ADAMTSL3: variants seen among roughly 807,000 people sequenced by gnomAD.
ADAMTSL3 encodes ADAMTS-like protein 3.
ADAMTSL3 carries 128 observed loss-of-function variants against 201.7 expected under a neutral mutation model. The observed-to-expected ratio is 0.63, with a 90% CI of 0.55 to 0.73. The LOEUF (loss-of-function observed/expected upper bound fraction) is 0.73, where lower values mean the gene tolerates loss of function less well. ADAMTSL3 is among the 30% of genes least tolerant of loss of function. ADAMTSL3 has a pLI of 0.00. For missense variants in ADAMTSL3, 1,990 were observed against 2,119.6 expected, an observed-to-expected ratio of 0.94 and a Z score of 1.20; for synonymous variants, 738 against 748.4, an observed-to-expected ratio of 0.99 and a Z score of 0.23.
intron 3 of ADAMTSL3, among the ~76,000 whole-genome samples, chr15:83,735,678 T>C (rs1017510280): frequency 6.6e-6 from 1 of 152,058 alleles, no homozygotes; most frequent in Non-Finnish European, 1.5e-5. Context: ...TTTTTTTTGT[T>C]TTGCTTTTTG....
At chr15:83,719,348 A>T (rs2062064257) in intron 3 of ADAMTSL3, among the ~76,000 whole-genome samples, 1 of 152,224 alleles carries the variant, frequency 6.6e-6, no homozygotes, top group African/African-American at 2.4e-5. Context: ...AGAACCAAAA[A>T]GATTAAGTGA....
At chr15:83,942,495 A>T (rs2066579249) in intron 17 of ADAMTSL3, 101 bp from the exon 18 acceptor site, 6 of 1,065,032 alleles carry the variant, frequency 5.6e-6, no homozygotes, top group South Asian at 1.5e-5. Flanking sequence ...CAGGGTGTGA[A>T]GTCTGGAAGC....
chr15:83,741,972 T>C (rs2062462578), intron 3 of ADAMTSL3, among the ~76,000 whole-genome samples: 1 of 152,144 alleles, frequency 6.6e-6, no homozygotes, highest in South Asian at 2.1e-4. Context: ...AAAATATGTA[T>C]ATATTCAATA....
chr15:84,037,811 T>A lies in ADAMTSL3; in HGVS notation c.*5T>A. 6.2e-7 allele frequency: 1 copy of A among 1,610,010 alleles called. No individual in the cohort carries two copies. Among genetic ancestry groups the A allele is most frequent in the Non-Finnish European group, 8.5e-7 (1 of 1,179,146 alleles). ...CAGTCATGTCAAGAGGGATAAACCT[T>A]TGGAGGGGTCATGATGCTGCTGTGA... On this transcript the variant is annotated 3_prime_UTR_variant, in exon 30 of 30. Coordinates refer to ENST00000286744, the MANE Select transcript of ADAMTSL3 (RefSeq NM_207517.3).
intron 28 of ADAMTSL3, among the ~76,000 whole-genome samples, chr15:84,031,726 A>G (rs1464871164): frequency 6.6e-6 from 1 of 152,220 alleles, no homozygotes; most frequent in Non-Finnish European, 1.5e-5. Flanking sequence ...TTCTCCCTCT[A>G]TATACTAAGT....
chr15:83,757,397 C>G (rs548889575), intron 3 of ADAMTSL3, among the ~76,000 whole-genome samples: 1 of 150,700 alleles, frequency 6.6e-6, no homozygotes, highest in Non-Finnish European at 1.5e-5. Context: ...GAAGCCATGG[C>G]CTGAGTTGTA....
At chr15:83,872,598 C>CCACACACACACACA (rs149299146) in intron 9 of ADAMTSL3, among the ~76,000 whole-genome samples, 54 of 46,514 alleles carry the variant, frequency 1.2e-3, no homozygotes, top group African/African-American at 3.9e-3. Flanking sequence ...AAAATATACA[C>CCACACACACACACA]CACACACACA....
intron 2 of ADAMTSL3, among the ~76,000 whole-genome samples, chr15:83,673,210 T>C (rs1215555107): frequency 2.0e-5 from 3 of 152,208 alleles, no homozygotes; most frequent in African/African-American, 7.2e-5. Context: ...TCTTTAGCAG[T>C]GCGCTTAGCA....
chr15:83,889,631 A>C lies in ADAMTSL3; in HGVS notation c.1073-478A>C, dbSNP rs983753332. Among the ~76,000 whole-genome samples the C allele has an allele frequency of 2.6e-5, 4 of 152,128 alleles. No homozygotes were observed. The South Asian group carries it at 8.3e-4, about 32-fold the overall frequency. On this transcript the variant is annotated intron_variant, in intron 10 of 29. Transcript: ENST00000286744. ...GGGAGTGTCAATAAGGGAAGAAGAGAGATTATACGGAAATGAGAGAAGGGC... is the reference window on the plus strand; with the variant it reads ...GGGAGTGTCAATAAGGGAAGAAGAGCGATTATACGGAAATGAGAGAAGGGC...
intron 3 of ADAMTSL3, among the ~76,000 whole-genome samples, chr15:83,751,898 T>C (rs2062642265): frequency 6.6e-6 from 1 of 152,034 alleles, no homozygotes; most frequent in South Asian, 2.1e-4. Flanking sequence ...CTAGAATAGA[T>C]TGCTGTTTGA....
intron 19 of ADAMTSL3, among the ~76,000 whole-genome samples, chr15:83,964,192 G>A (rs563775006): frequency 6.6e-6 from 1 of 152,182 alleles, no homozygotes; most frequent in East Asian, 1.9e-4. Context: ...ATTGACAGAA[G>A]TAGGCTTCAG....
intron 23 of ADAMTSL3, among the ~76,000 whole-genome samples, chr15:84,004,944 C>A (rs2141870384): frequency 6.6e-6 from 1 of 152,258 alleles, no homozygotes; most frequent in Admixed American, 6.5e-5. Context: ...AGCAGTGACT[C>A]CCCTAAATTG....
chr15:84,015,782 C>T (rs2068078693), intron 24 of ADAMTSL3, among the ~76,000 whole-genome samples: 1 of 152,180 alleles, frequency 6.6e-6, no homozygotes, highest in Non-Finnish European at 1.5e-5. Flanking sequence ...CCTGAGAAAC[C>T]CCAGCCTTGT....
intron 2 of ADAMTSL3, among the ~76,000 whole-genome samples, chr15:83,686,327 T>C (rs2061535901): frequency 6.6e-6 from 1 of 152,200 alleles, no homozygotes; most frequent in African/African-American, 2.4e-5. Flanking sequence ...AACAGATTTG[T>C]GGTAATGATG....
intron 19 of ADAMTSL3, among the ~76,000 whole-genome samples, chr15:83,952,811 A>G (rs1396564558): frequency 4.6e-5 from 7 of 151,844 alleles, no homozygotes; most frequent in Non-Finnish European, 1.0e-4. Flanking sequence ...ACCTCAAAAA[A>G]AAAAAAAAAA....
At chr15:83,871,593 A>T (rs766810179) in intron 9 of ADAMTSL3, among the ~76,000 whole-genome samples, 1 of 152,132 alleles carries the variant, frequency 6.6e-6, no homozygotes, top group African/African-American at 2.4e-5. Flanking sequence ...GCTTCCCCAG[A>T]TGTTCTATGA....
rs534527140 is a variant in ADAMTSL3 at position 83,716,738 on chromosome 15, C to G, written c.189+12230C>G. On this transcript the variant is annotated intron_variant, in intron 3 of 29. Transcript: ENST00000286744. ...TAGTCCAAAGGCTTGTTTGTAGAATCAGACTGTTCTTTGTTTTGGACCCTG... is the reference window on the plus strand; with the variant it reads ...TAGTCCAAAGGCTTGTTTGTAGAATGAGACTGTTCTTTGTTTTGGACCCTG... Among the ~76,000 whole-genome samples, 13 of 152,110 alleles carry G rather than the reference C, an allele frequency of 8.5e-5. No individual in the cohort carries two copies. In the East Asian group the frequency reaches 2.1e-3, roughly 25 times the overall value.
chr15:83,743,829 C>A (rs1247357629), intron 3 of ADAMTSL3, among the ~76,000 whole-genome samples: 1 of 151,896 alleles, frequency 6.6e-6, no homozygotes, highest in East Asian at 1.9e-4. Context: ...ATGGAGTCAA[C>A]AAGAAAAGAT....
chr15:83,753,890 G>A (rs929125645), intron 3 of ADAMTSL3, among the ~76,000 whole-genome samples: 1 of 152,210 alleles, frequency 6.6e-6, no homozygotes, highest in Non-Finnish European at 1.5e-5. Flanking sequence ...CGAAAGTGAA[G>A]CAGTTTGCGT....
Sources: allele counts gnomAD v4.1 joint callset (sites outside exome capture counted in the v4.1 genomes callset), GRCh38; gene constraint gnomAD v4.1.1; transcripts MANE v1.5; gene names NCBI Gene and HGNC (gene_info 2026-07-23, HGNC 2026-07-21).